Variants in RB1CC1 observed in about 807,000 individuals in gnomAD.
RB1CC1 encodes the protein RB1-inducible coiled-coil protein 1.
RB1CC1 carries 46 observed loss-of-function variants against 177.5 expected under a neutral mutation model. The ratio of observed to expected loss-of-function variants is 0.26; its 90% CI spans 0.20 to 0.33. RB1CC1 has a LOEUF of 0.33. RB1CC1 is among the 10% of genes least tolerant of loss of function. The pLI is 1.00. For missense variants in RB1CC1, 1,703 were observed against 1,816.3 expected (o/e 0.94, Z 1.13); for synonymous variants, 666 against 613.6 (o/e 1.09, Z -1.26).
At chr8:52,712,518 T>G (rs1377166088) in intron 1 of RB1CC1, among the ~76,000 whole-genome samples, 1 of 126,982 alleles carries the variant, frequency 7.9e-6, no homozygotes, top group African/African-American at 3.0e-5. Context: ...AAAAAAAAAC[T>G]CAGGGACAAA....
Position 52,676,427 on chromosome 8 carries a change from C to G in RB1CC1, c.514G>C (p.Glu172Gln). ...TGCAGATAATTTGAATAAATACTTTCAAACTTGAAAAGTAGCTTTTGGTAT... is the reference window on the plus strand; with the variant it reads ...TGCAGATAATTTGAATAAATACTTTGAAACTTGAAAAGTAGCTTTTGGTAT... ...NSYQKLLFKF[E>Q]SIYSNYLQSI... The change falls in exon 6 of 24, where the codon GAA becomes CAA. Residue 172 changes from glutamate (E) to glutamine (Q), a missense_variant. Physicochemically the swap from Glu to Gln is conservative, Grantham distance 29. This residue lies in a region of RB1CC1 where 315 missense variants were observed against 304.9 expected (regional missense o/e 1.03). Coordinates refer to ENST00000025008, the MANE Select transcript of RB1CC1 (RefSeq NM_014781.5). 3 of 1,613,066 alleles carry G rather than the reference C, an allele frequency of 1.9e-6. No homozygotes were observed. Among genetic ancestry groups the G allele is most frequent in the Non-Finnish European group, 2.5e-6 (3 of 1,179,520 alleles).
intron 12 of RB1CC1, 75 bp downstream of exon 12, chr8:52,660,521 A>G (rs1851518264): frequency 6.0e-6 from 8 of 1,336,202 alleles, no homozygotes; most frequent in Non-Finnish European, 7.2e-6. Context: ...CAAGTTTCTG[A>G]TAAATGTCTC....
chr8:52,661,671 C>T lies in RB1CC1; in HGVS notation c.1222G>A (p.Val408Ile). 1 of 1,605,952 alleles carries T rather than the reference C, an allele frequency of 6.2e-7. No individual in the cohort carries two copies. The highest frequency in any genetic ancestry group is 8.5e-7 in the Non-Finnish European group (1 of 1,177,552). Residue 408 changes from valine (V) to isoleucine (I), a missense_variant, in exon 9 of 24, where the codon GTA (valine) becomes ATA (isoleucine). Around this residue, in one of 6 missense-constraint regions of RB1CC1, gnomAD observed 20 missense variants for 58.4 expected, o/e 0.34. Transcript: ENST00000025008. ...TGACTCAGGCATAAATCAGGTAATA[C>T]AGATGCATCCTTTAAGTTTTCAGCT... ...KRAENLKDAS[V>I]LPDLCLSHAN...
chr8:52,663,190 T>A (rs142925821), intron 8 of RB1CC1, among the ~76,000 whole-genome samples: 1 of 152,200 alleles, frequency 6.6e-6, no homozygotes, highest in African/African-American at 2.4e-5. Flanking sequence ...GATAGCACTG[T>A]AGTACTCACA....
chr8:52,661,322 G>T, intron 9 of RB1CC1, 41 bp from the exon 10 acceptor site: 1 of 1,596,762 alleles, frequency 6.3e-7, no homozygotes, highest in Non-Finnish European at 8.5e-7. Context: ...TCACAAAACT[G>T]GTACTAACTT....
chr8:52,657,416 C>A lies in RB1CC1; in HGVS notation c.2413G>T (p.Ala805Ser), dbSNP rs1191473960. 4 of 1,613,688 alleles carry A rather than the reference C, an allele frequency of 2.5e-6. No homozygotes were observed. The highest frequency in any genetic ancestry group is 3.4e-6 in the Non-Finnish European group (4 of 1,179,970). Reference protein sequence around the residue: ...NVQLERCRVVAQDSHFSIQTI... With the variant: ...NVQLERCRVVSQDSHFSIQTI... The stretch of plus-strand genomic sequence containing the variant: ...TGTATACTGAAGTGAGAGTCTTGGG[C>A]AACAACTCTACATCTTTCCAACTGG... The change falls in exon 15 of 24, where the codon GCC (alanine) becomes TCC (serine). Residue 805 changes from alanine to serine, a missense_variant. Ala to Ser is a moderately conservative substitution (Grantham distance 99, BLOSUM62 1). Coordinates refer to ENST00000025008, the MANE Select transcript of RB1CC1 (RefSeq NM_014781.5).
intron 1 of RB1CC1, among the ~76,000 whole-genome samples, chr8:52,699,200 G>A (rs1855761547): frequency 6.6e-6 from 1 of 152,152 alleles, no homozygotes. Context: ...GACTGCAGAG[G>A]AAGAACTTAA....
chr8:52,679,324 G>A (rs1444465832), intron 5 of RB1CC1, among the ~76,000 whole-genome samples: 1 of 152,218 alleles, frequency 6.6e-6, no homozygotes, highest in African/African-American at 2.4e-5. Flanking sequence ...CCTTCACAAT[G>A]TAAACTGACA....
At chr8:52,631,816 C>G (rs1848780483) in intron 20 of RB1CC1, among the ~76,000 whole-genome samples, 1 of 152,168 alleles carries the variant, frequency 6.6e-6, no homozygotes, top group South Asian at 2.1e-4. Context: ...TTTTTCAAAC[C>G]TATACTGTTG....
chr8:52,695,235 A>G (rs959851559), intron 1 of RB1CC1, among the ~76,000 whole-genome samples: 13 of 152,244 alleles, frequency 8.5e-5, no homozygotes, highest in African/African-American at 2.4e-4. Context: ...CTTTAGAAAT[A>G]CTAGTATAAA....
intron 1 of RB1CC1, among the ~76,000 whole-genome samples, chr8:52,710,894 T>C (rs1857007082): frequency 6.6e-6 from 1 of 152,168 alleles, no homozygotes; most frequent in Non-Finnish European, 1.5e-5. Flanking sequence ...ATTACTGTAA[T>C]ATAATATGGT....
chr8:52,687,526 C>T (rs970882951), intron 1 of RB1CC1, among the ~76,000 whole-genome samples: 4 of 152,134 alleles, frequency 2.6e-5, no homozygotes, highest in African/African-American at 9.7e-5. Context: ...AAGATTATAA[C>T]TCCCATCTTG....
rs1467872926 is a variant in RB1CC1, at chr8:52,656,484, A to G, written c.3345T>C (p.Asn1115=). Residue 1115 remains asparagine, a synonymous_variant, in exon 15 of 24, where the codon AAT becomes AAC. Coordinates refer to ENST00000025008, the MANE Select transcript of RB1CC1 (RefSeq NM_014781.5). ...SKLNQKIQDN[N]ENYQVGLAEL... ...CTGCTAAGCCCACCTGATAATTTTCATTATTATCCTGAATCTTTTGGTTGA... is the reference window on the plus strand; with the variant it reads ...CTGCTAAGCCCACCTGATAATTTTCGTTATTATCCTGAATCTTTTGGTTGA... 6.2e-7 allele frequency: 1 copy of G among 1,611,212 alleles called. No homozygotes were observed. Among genetic ancestry groups the G allele is most frequent in the Non-Finnish European group, 8.5e-7 (1 of 1,179,672 alleles).
At chr8:52,667,216 C>T (rs954628124) in intron 8 of RB1CC1, among the ~76,000 whole-genome samples, 4 of 152,060 alleles carry the variant, frequency 2.6e-5, no homozygotes, top group African/African-American at 7.3e-5. Flanking sequence ...TTGAACTTAT[C>T]ACTAAAAGGA....
intron 1 of RB1CC1, among the ~76,000 whole-genome samples, chr8:52,701,071 C>T (rs967371763): frequency 2.6e-5 from 4 of 151,888 alleles, no homozygotes; most frequent in African/African-American, 9.7e-5. Flanking sequence ...TAACTGGTCT[C>T]TTTCTCAAAT....
intron 1 of RB1CC1, among the ~76,000 whole-genome samples, chr8:52,691,654 T>C (rs900195237): frequency 6.6e-6 from 1 of 152,240 alleles, no homozygotes; most frequent in Admixed American, 6.5e-5. Context: ...TTTTCATCCA[T>C]TGTGTATAGT....
At chr8:52,654,344 C>T (rs1476662487) in intron 15 of RB1CC1, among the ~76,000 whole-genome samples, 2 of 152,146 alleles carry the variant, frequency 1.3e-5, no homozygotes, top group Admixed American at 1.3e-4. Flanking sequence ...GTATAGCTTC[C>T]AGTTTGCCAA....
intron 18 of RB1CC1, among the ~76,000 whole-genome samples, chr8:52,636,284 C>T (rs1046717470): frequency 7.9e-5 from 12 of 152,126 alleles, no homozygotes; most frequent in Non-Finnish European, 1.2e-4. Flanking sequence ...ATAAGTAAAA[C>T]TCTGTGTATG....
intron 6 of RB1CC1, among the ~76,000 whole-genome samples, chr8:52,676,135 C>T (rs959815950): frequency 2.0e-5 from 3 of 152,064 alleles, no homozygotes; most frequent in African/African-American, 7.2e-5. Flanking sequence ...AGCCTTATTA[C>T]AAGTAAAACA....
Sources: allele counts gnomAD v4.1 joint callset (sites outside exome capture counted in the v4.1 genomes callset), GRCh38; gene constraint gnomAD v4.1.1; regional missense constraint gnomAD v4.1.1; transcripts MANE v1.5; gene names NCBI Gene and HGNC (gene_info 2026-07-23, HGNC 2026-07-21).